The following SBNO2 variants were observed in gnomAD, a reference collection of about 807,000 sequenced individuals.
SBNO2 encodes the protein protein strawberry notch homolog 2.
A neutral mutation model predicts 146.3 loss-of-function variants in SBNO2; 89 were observed. The observed-to-expected ratio is 0.61, with a 90% CI of 0.51 to 0.73. The LOEUF is 0.73. Among genes scored for constraint, SBNO2 ranks in the 30% least tolerant of loss-of-function variants. The pLI is 0.00. For synonymous variants in SBNO2, 1,147 were observed against 892.6 expected, an observed-to-expected ratio of 1.29 and a Z score of -5.08; for missense variants, 2,092 against 2,003.7, an observed-to-expected ratio of 1.04 and a Z score of -0.84.
chr19:1,131,935 G>A (rs550053325), intron 4 of SBNO2, among the ~76,000 whole-genome samples: 166 of 152,362 alleles, frequency 1.1e-3, no homozygotes, highest in African/African-American at 3.9e-3. Context: ...AGAGACGGAC[G>A]GGGCGGGGTG....
chr19:1,125,215 C>CA (rs1263259102), intron 5 of SBNO2, among the ~76,000 whole-genome samples: 1 of 150,852 alleles, frequency 6.6e-6, no homozygotes, highest in Non-Finnish European at 1.5e-5. Flanking sequence ...AAAAATTAGC[C>CA]AGGTGTGGTG....
intron 1 of SBNO2, among the ~76,000 whole-genome samples, chr19:1,163,009 C>A (rs1007418446): frequency 1.3e-5 from 2 of 152,158 alleles, no homozygotes; most frequent in Non-Finnish European, 2.9e-5. Context: ...ACAGTGCCTG[C>A]GGGCCACAAG....
chr19:1,152,407 G>A (rs1353975320), intron 2 of SBNO2, among the ~76,000 whole-genome samples: 2 of 152,164 alleles, frequency 1.3e-5, no homozygotes, highest in Admixed American at 6.6e-5. Context: ...GTGTGTTTCC[G>A]AGATAGAATT....
Position 1,113,586 on chromosome 19 carries a change from G to A in SBNO2, c.2196C>T (p.Asn732=), listed in dbSNP as rs748035689. 3.7e-6 allele frequency: 6 copies of A among 1,600,766 alleles called. No homozygotes were observed. The highest frequency in any genetic ancestry group is 1.4e-5 in the African/African-American group (1 of 73,668). Residue 732 remains asparagine (N), a synonymous_variant, in exon 19 of 32, where the codon AAC becomes AAT. Coordinates refer to ENST00000361757, the MANE Select transcript of SBNO2 (RefSeq NM_014963.3). ...GCTGGTCGATGAGCTCGTCCAGGGT[G>A]TTGACTGGCAGTTCCCGGCCCAGCC... ...VRRLGRELPV[N]TLDELIDQLG...
chr19:1,121,761 C>T (rs561175731), intron 11 of SBNO2, among the ~76,000 whole-genome samples: 2 of 152,296 alleles, frequency 1.3e-5, no homozygotes, highest in East Asian at 1.9e-4. Context: ...CCTCTGCCCA[C>T]GGCATCATGG....
At chr19:1,138,573 C>G (rs991243124) in intron 4 of SBNO2, among the ~76,000 whole-genome samples, 1 of 152,058 alleles carries the variant, frequency 6.6e-6, no homozygotes, top group Non-Finnish European at 1.5e-5. Flanking sequence ...CCCGTGCTCA[C>G]GGCGGCACAA....
chr19:1,131,356 G>A (rs1461798662), intron 4 of SBNO2, among the ~76,000 whole-genome samples: 2 of 152,198 alleles, frequency 1.3e-5, no homozygotes, highest in Non-Finnish European at 2.9e-5. Context: ...AGGGAGGGCC[G>A]GGGCTGCCCG....
chr19:1,142,137 C>T (rs543923010), intron 4 of SBNO2, among the ~76,000 whole-genome samples: 59 of 145,774 alleles, frequency 4.0e-4, no homozygotes, highest in Admixed American at 9.6e-4. Flanking sequence ...CCCTCAATGA[C>T]CTCCCTCCCC....
chr19:1,114,001 A>G (rs1442968106), intron 18 of SBNO2, among the ~76,000 whole-genome samples: 1 of 152,214 alleles, frequency 6.6e-6, no homozygotes, highest in Non-Finnish European at 1.5e-5. Context: ...GACCAGTGGT[A>G]TAACCCCTGA....
At chr19:1,116,595 G>C (rs925565574) in intron 16 of SBNO2, among the ~76,000 whole-genome samples, 11 of 152,128 alleles carry the variant, frequency 7.2e-5, no homozygotes, top group African/African-American at 2.4e-4. Flanking sequence ...GACCCCTGGA[G>C]ACCATGTCCC....
Position 1,147,391 on chromosome 19 carries a change from CCGAGGAAGGAGGCGGAGCTCATGAA to C in SBNO2, c.172_196del (p.Phe58AlafsTer187), listed in dbSNP as rs1403309649. ...GCTGGTGTCTGGGCAGGGCTGGCTG[CCGAGGAAGGAGGCGGAGCTCATGAA>C]CGGGCTGGAGGGAGATGGGGGGGGG... On this transcript the variant is annotated frameshift_variant, in exon 4 of 32. Transcript: ENST00000361757. LOFTEE classifies it high-confidence loss of function. The C allele has an allele frequency of 6.6e-7, 1 of 1,513,870 alleles. No homozygotes were observed. Among genetic ancestry groups the C allele is most frequent in the Non-Finnish European group, 8.8e-7 (1 of 1,140,880 alleles). The allele number at this position is 1,513,870 out of a possible 1,614,324, so 93.8% of individuals were successfully genotyped here. A position where few individuals can be genotyped will look rare whatever the true frequency, so the allele number is the denominator to read the frequency against.
At chr19:1,115,935 G>GGGGGAGTT (rs2079826069) in intron 17 of SBNO2, 86 bp downstream of exon 17, 2 of 1,090,332 alleles carry the variant, frequency 1.8e-6, no homozygotes, top group African/African-American at 3.1e-5. Context: ...ACGGGGGAGT[G>GGGGGAGTT]GGGGAAGCAG....
At position 1,125,788 on chromosome 19, in the gene SBNO2, G is replaced by A. The variant is rs577975394; in HGVS notation, c.442-1766C>T. 1.8e-4 allele frequency among the ~76,000 whole-genome samples: 27 copies of A among 152,218 alleles called. No individual in the cohort carries two copies. The East Asian group carries it at 4.6e-3, about 26-fold the overall frequency. On this transcript the variant is annotated intron_variant, in intron 5 of 31. Coordinates refer to ENST00000361757, the MANE Select transcript of SBNO2 (RefSeq NM_014963.3). ...ACGGGCGAGATCTTTTGGGGCCAGG[G>A]TTCCAGACCAGCCTGGACAACATGA...
chr19:1,146,213 C>T (rs1038992657), intron 4 of SBNO2, among the ~76,000 whole-genome samples: 1 of 152,216 alleles, frequency 6.6e-6, no homozygotes, highest in Admixed American at 6.5e-5. Flanking sequence ...GGAAGGTCCC[C>T]TCACAGACTC....
At chr19:1,166,666 C>G (rs184625694) in intron 1 of SBNO2, among the ~76,000 whole-genome samples, 1 of 151,864 alleles carries the variant, frequency 6.6e-6, no homozygotes, top group South Asian at 2.1e-4. Flanking sequence ...AAGCCACACA[C>G]GCTAAAAACC....
intron 9 of SBNO2, 36 bp from the exon 10 acceptor site, chr19:1,122,594 CCCCTCGCCCCCCGCTTCCG>C: frequency 7.0e-7 from 1 of 1,425,050 alleles, no homozygotes; most frequent in Admixed American, 2.1e-5. Context: ...CCCACCCTTC[CCCCTCGCCCCCCGCTTCCG>C]CCCCCCACCC....
chr19:1,127,601 G>A lies in SBNO2; in HGVS notation c.441+3C>T. On this transcript the variant is annotated splice_donor_region_variant and intron_variant, in intron 5 of 31. Transcript: ENST00000361757. ...GCTGGCTGGGGGCACCGGGCGCACT[G>A]ACCTTATCGTGGGTGGAGGGGGCAG... is the stretch of plus-strand genomic sequence containing the variant. 6.2e-7 allele frequency: 1 copy of A among 1,611,940 alleles called. No individual in the cohort carries two copies. The highest frequency in any genetic ancestry group is 8.5e-7 in the Non-Finnish European group (1 of 1,179,674).
At chr19:1,154,110 G>A (rs2080266786) in intron 2 of SBNO2, 74 bp downstream of exon 2, 1 of 708,926 alleles carries the variant, frequency 1.4e-6, no homozygotes. Flanking sequence ...CGCACGACGT[G>A]ACCCCGGGCA....
chr19:1,142,149 C>T (rs56306156), intron 4 of SBNO2, among the ~76,000 whole-genome samples: 253 of 2,058 alleles, frequency 0.12, 2 homozygotes, highest in Middle Eastern at 0.5. Context: ...TCCCTCCCCA[C>T]GATCAATCCT....
Sources: gnomAD v4.1 joint callset for allele counts (sites outside exome capture counted in the v4.1 genomes callset) on GRCh38, gnomAD v4.1.1 for gene constraint, MANE v1.5 for transcripts, NCBI Gene and HGNC (gene_info 2026-07-23, HGNC 2026-07-21) for gene names.